Variants in WWC2 observed in about 807,000 individuals in gnomAD.
The protein encoded by WWC2 is WW and C2 domain containing 2.
A neutral mutation model predicts 138.5 loss-of-function variants in WWC2; 101 were observed. The observed-to-expected ratio is 0.73, with a 90% confidence interval of 0.62 to 0.86. WWC2 has a LOEUF of 0.86. Among genes scored for constraint, WWC2 ranks in the 40% least tolerant of loss-of-function variants. WWC2 has a pLI of 0.00. For synonymous variants in WWC2, 558 were observed against 538.4 expected, an observed-to-expected ratio of 1.04 and a Z score of -0.50; for missense variants, 1,420 against 1,419.4, an observed-to-expected ratio of 1.00 and a Z score of -0.01.
intron 4 of WWC2, among the ~76,000 whole-genome samples, chr4:183,225,511 C>T (rs1736043559): frequency 6.6e-6 from 1 of 152,124 alleles, no homozygotes; most frequent in Admixed American, 6.5e-5. Context: ...GTAATTTAAA[C>T]ATGAAAAGTC....
At chr4:183,116,755 A>G (rs1434037111) in intron 1 of WWC2, among the ~76,000 whole-genome samples, 5 of 152,006 alleles carry the variant, frequency 3.3e-5, no homozygotes, top group Admixed American at 3.3e-4. Context: ...CTGTATTTTG[A>G]CTCCTTGAAT....
At chr4:183,163,718 T>G (rs1281360685) in intron 1 of WWC2, among the ~76,000 whole-genome samples, 4 of 152,190 alleles carry the variant, frequency 2.6e-5, no homozygotes, top group African/African-American at 7.2e-5. Context: ...TGTTACTGTA[T>G]GTGGATGGTG....
intron 1 of WWC2, among the ~76,000 whole-genome samples, chr4:183,188,459 A>T (rs1378084570): frequency 6.6e-6 from 1 of 151,966 alleles, no homozygotes; most frequent in Admixed American, 6.5e-5. Flanking sequence ...GCTGGTCTTG[A>T]ACTCCTGACC....
chr4:183,238,020 G>A (rs573687779), intron 4 of WWC2, among the ~76,000 whole-genome samples: 46 of 151,970 alleles, frequency 3.0e-4, no homozygotes, highest in South Asian at 1.7e-3. Context: ...GTTTATTCTC[G>A]TGCACCTAAA....
At chr4:183,138,832 T>A (rs1295395296) in intron 1 of WWC2, among the ~76,000 whole-genome samples, 1 of 152,204 alleles carries the variant, frequency 6.6e-6, no homozygotes, top group Non-Finnish European at 1.5e-5. Flanking sequence ...TAAGCAGGAT[T>A]GTTGGTCTGG....
intron 1 of WWC2, among the ~76,000 whole-genome samples, chr4:183,151,228 G>T (rs1733627691): frequency 6.6e-6 from 1 of 152,036 alleles, no homozygotes; most frequent in South Asian, 2.1e-4. Context: ...AATGATCGCT[G>T]TTCTAACTGG....
rs905716478 is a variant in WWC2, at chr4:183,289,457, T to C, written c.3206T>C (p.Leu1069Ser). ...TGCCCAGTGCGGACATCTCTAGACTTAGAACTGGACCTTCAGGCATCTCTG... is the reference window on the plus strand; with the variant it reads ...TGCCCAGTGCGGACATCTCTAGACTCAGAACTGGACCTTCAGGCATCTCTG... ...QECPVRTSLD[L>S]ELDLQASLTR... Residue 1069 changes from leucine to serine, a missense_variant, in exon 21 of 23, where the codon TTA becomes TCA. Coordinates refer to ENST00000403733, the MANE Select transcript of WWC2 (RefSeq NM_024949.6). 4.3e-6 allele frequency: 7 copies of C among 1,613,120 alleles called. No individual in the cohort carries two copies. In the African/African-American group the frequency reaches 8.0e-5, roughly 18 times the overall value.
At chr4:183,225,286 A>G (rs1448991394) in intron 4 of WWC2, among the ~76,000 whole-genome samples, 1 of 152,228 alleles carries the variant, frequency 6.6e-6, no homozygotes, top group Non-Finnish European at 1.5e-5. Flanking sequence ...AGGAAGATCA[A>G]TGGAACTGAA....
At chr4:183,144,462 A>G (rs975003996) in intron 1 of WWC2, among the ~76,000 whole-genome samples, 3 of 152,206 alleles carry the variant, frequency 2.0e-5, no homozygotes, top group South Asian at 2.1e-4. Flanking sequence ...CAGGTTGAAA[A>G]AAATTACAAA....
chr4:183,132,616 G>A (rs1230983461), intron 1 of WWC2, among the ~76,000 whole-genome samples: 1 of 151,870 alleles, frequency 6.6e-6, no homozygotes, highest in Non-Finnish European at 1.5e-5. Flanking sequence ...ACCACGCCCG[G>A]CTAATTTTTT....
At chr4:183,290,287 C>T (rs577717928) in intron 21 of WWC2, among the ~76,000 whole-genome samples, 17 of 152,152 alleles carry the variant, frequency 1.1e-4, no homozygotes, top group East Asian at 5.8e-4. Flanking sequence ...GAGGCCGAGG[C>T]GGGTGGATCA....
intron 16 of WWC2, among the ~76,000 whole-genome samples, chr4:183,277,934 T>G (rs1737917306): frequency 6.6e-6 from 1 of 151,314 alleles, no homozygotes; most frequent in Non-Finnish European, 1.5e-5. Flanking sequence ...GGTTGCCTGT[T>G]CACTCTGATG....
chr4:183,140,909 C>T (rs553371927), intron 1 of WWC2, among the ~76,000 whole-genome samples: 1 of 152,312 alleles, frequency 6.6e-6, no homozygotes, highest in African/African-American at 2.4e-5. Flanking sequence ...TATGTAACCT[C>T]TCTGTGCTTC....
chr4:183,176,301 G>A (rs958331753), intron 1 of WWC2, among the ~76,000 whole-genome samples: 1 of 152,140 alleles, frequency 6.6e-6, no homozygotes, highest in Non-Finnish European at 1.5e-5. Context: ...GGCTGCTTAG[G>A]AACGTTTCTT....
chr4:183,269,095 G>C lies in WWC2; in HGVS notation c.2332G>C (p.Ala778Pro). 6.2e-7 allele frequency: 1 copy of C among 1,613,882 alleles called. No individual in the cohort carries two copies. The highest frequency in any genetic ancestry group is 8.5e-7 in the Non-Finnish European group (1 of 1,179,866). The change falls in exon 15 of 23, where the codon GCC becomes CCC. Residue 778 changes from alanine to proline, a missense_variant. Transcript: ENST00000403733. ...GTTCAGAGTCGCCATTTCCCAAACA[G>C]CCTTACAACAGAAGACACTGAGGGT... Reference protein sequence around the residue: ...DVFRVAISQTALQQKTLRVDL... With the variant: ...DVFRVAISQTPLQQKTLRVDL...
intron 5 of WWC2, 200 bp downstream of exon 5, chr4:183,240,462 T>G: frequency 2.2e-6 from 1 of 449,444 alleles, no homozygotes; most frequent in Non-Finnish European, 3.9e-6. Flanking sequence ...CTTGAAAAGA[T>G]CCAAAGTTTT....
chr4:183,226,088 T>TC, intron 4 of WWC2, among the ~76,000 whole-genome samples: 1 of 134,198 alleles, frequency 7.5e-6, no homozygotes, highest in African/African-American at 4.0e-5. Context: ...TTCTTTTCTT[T>TC]TCTTTTCTTT....
At chr4:183,302,084 T>A (rs2111102396) in intron 21 of WWC2, among the ~76,000 whole-genome samples, 1 of 152,346 alleles carries the variant, frequency 6.6e-6, no homozygotes, top group African/African-American at 2.4e-5. Flanking sequence ...TAATAACAAT[T>A]TCCCAAATTT....
intron 16 of WWC2, among the ~76,000 whole-genome samples, chr4:183,278,945 C>T (rs1015041647): frequency 1.1e-4 from 16 of 151,400 alleles, no homozygotes; most frequent in Non-Finnish European, 2.4e-4. Flanking sequence ...TTGACTTCCT[C>T]TTTTCCTAAT....
Sources: gnomAD v4.1 joint callset for allele counts (sites outside exome capture counted in the v4.1 genomes callset) on GRCh38, gnomAD v4.1.1 for gene constraint, MANE v1.5 for transcripts, NCBI Gene and HGNC (gene_info 2026-07-23, HGNC 2026-07-21) for gene names.